The following MATR3 variants were observed in gnomAD, a reference collection of about 807,000 sequenced individuals.
MATR3 encodes the protein matrin 3.
MATR3 carries 4 observed loss-of-function variants against 85.5 expected under a neutral mutation model. That is an observed-to-expected ratio of 0.05 (90% CI 0.02 to 0.11). MATR3 has a LOEUF of 0.11. MATR3 is among the 10% of genes least tolerant of loss of function. The probability of loss-of-function intolerance (pLI) is 1.00; values close to 1 mark genes in which losing one functional copy is unlikely to be tolerated. For missense variants in MATR3, 685 were observed against 1,016.1 expected (o/e 0.67, Z 4.43); for synonymous variants, 336 against 343.1 (o/e 0.98, Z 0.23).
chr5:139,293,172 A>G (rs2151912735), upstream of MATR3: 1 of 152,288 alleles, frequency 6.6e-6, no homozygotes, highest in Admixed American at 6.5e-5. Flanking sequence ...AGGTGGGAGG[A>G]TCCCTTGAGG....
chr5:139,314,955 G>T, intron 3 of MATR3: 1 of 487,916 alleles, frequency 2.0e-6, no homozygotes, highest in Non-Finnish European at 3.7e-6. Context: ...ACATTTCTAG[G>T]ATACATATAT....
chr5:139,279,185 G>T, intron 3 of MATR3: 1 of 453,102 alleles, frequency 2.2e-6, no homozygotes, highest in East Asian at 7.0e-5. Context: ...CTCAGATGGG[G>T]GTAGGGGACT....
At position 139,322,577 on chromosome 5, in the gene MATR3, G is replaced by A. The variant is rs752968467; in HGVS notation, c.1779-21G>A. The A allele has an allele frequency of 1.2e-5, 18 of 1,555,612 alleles. No individual in the cohort carries two copies. The Admixed American group carries it at 2.9e-4, about 25-fold the overall frequency. On this transcript the variant is annotated intron_variant, in intron 11 of 14. Coordinates refer to ENST00000394805, the MANE Select transcript of MATR3 (RefSeq NM_018834.6). ...CTTTTTCAGACAACAAATTAATTGT[G>A]GTGTGTCCTTTTGATTTCAGAAAAA...
intron 12 of MATR3, 24 bp downstream of exon 12, chr5:139,322,991 T>C (rs753396254): frequency 1.9e-6 from 3 of 1,612,360 alleles, no homozygotes; most frequent in East Asian, 2.2e-5. Flanking sequence ...CATTGATTTG[T>C]TTTAATAGAA....
In MATR3 at chr5:139,325,579, A is replaced by G; in HGVS notation, c.2288A>G (p.Asp763Gly). The stretch of plus-strand genomic sequence containing the variant: ...AACAAAGATACAAGTGAAAACGCAG[A>G]TGGTCAAAGTGATGAGAACAAGGAC... ...DPNKDTSENA[D>G]GQSDENKDDY... The change falls in exon 13 of 15, where the codon GAT (aspartate) becomes GGT (glycine). Residue 763 changes from aspartate (D) to glycine (G), a missense_variant. By Grantham distance (94) the Asp-to-Gly change is moderately conservative. Transcript: ENST00000394805. 3 of 1,614,224 alleles carry G rather than the reference A, an allele frequency of 1.9e-6. No homozygotes were observed. Among genetic ancestry groups the G allele is most frequent in the East Asian group, 2.2e-5 (1 of 44,892 alleles).
chr5:139,288,808 T>A (rs1753787053), upstream of MATR3, among the ~76,000 whole-genome samples: 1 of 151,748 alleles, frequency 6.6e-6, no homozygotes, highest in African/African-American at 2.4e-5. Context: ...GCCCAGCTAA[T>A]TTTTTTTGTA....
At chr5:139,317,829 G>GT in intron 7 of MATR3, 108 bp downstream of exon 7, 1 of 1,131,318 alleles carries the variant, frequency 8.8e-7, no homozygotes, top group Non-Finnish European at 1.3e-6. Context: ...GTAATCTTAA[G>GT]TTTATCAAAT....
At chr5:139,276,291 T>A in intron 2 of MATR3, 1 of 448,556 alleles carries the variant, frequency 2.2e-6, no homozygotes, top group Non-Finnish European at 4.5e-6. Flanking sequence ...ATGCCAACTC[T>A]TGTGTTGACT....
chr5:139,317,840 G>A, intron 7 of MATR3, 119 bp downstream of exon 7: 1 of 989,246 alleles, frequency 1.0e-6, no homozygotes. Context: ...TTTATCAAAT[G>A]CAGAATGTAG....
intron 14 of MATR3, among the ~76,000 whole-genome samples, chr5:139,327,648 C>A (rs1003658456): frequency 1.3e-5 from 2 of 151,900 alleles, no homozygotes; most frequent in Admixed American, 6.6e-5. Context: ...CTTGAACTCC[C>A]AGCTTCAGAT....
chr5:139,315,886 T>G, intron 4 of MATR3, 148 bp downstream of exon 4: 1 of 784,606 alleles, frequency 1.3e-6, no homozygotes, highest in Non-Finnish European at 2.1e-6. Context: ...TTAACAATTT[T>G]TAGAATATAT....
intron 1 of MATR3, chr5:139,294,106 C>G: frequency 3.3e-6 from 4 of 1,223,450 alleles, no homozygotes; most frequent in Admixed American, 4.1e-5. Context: ...AAGAGGTGCG[C>G]TGACCGGCCG....
At chr5:139,315,455 C>G in intron 3 of MATR3, 1 of 444,436 alleles carries the variant, frequency 2.3e-6, no homozygotes, top group South Asian at 2.9e-5. Flanking sequence ...AGAGGAAAAA[C>G]TTAATTTCAA....
intron 13 of MATR3, 143 bp from the exon 14 acceptor site, chr5:139,326,020 G>T (rs1581262627): frequency 1.4e-6 from 1 of 738,250 alleles, no homozygotes; most frequent in East Asian, 2.7e-5. Context: ...GCAAAATATG[G>T]TTCGGTTTTT....
At chr5:139,301,995 C>CAGA (rs1449043240) in intron 1 of MATR3, among the ~76,000 whole-genome samples, 5 of 152,204 alleles carry the variant, frequency 3.3e-5, no homozygotes, top group African/African-American at 1.2e-4. Flanking sequence ...GACTTCACGT[C>CAGA]TGTTAGATGG....
intron 1 of MATR3, among the ~76,000 whole-genome samples, chr5:139,302,243 T>A (rs1754484827): frequency 6.6e-6 from 1 of 152,090 alleles, no homozygotes. Flanking sequence ...ATTACAGGTG[T>A]GAGCCACTGC....
At chr5:139,312,482 A>G (rs1200616029) in intron 2 of MATR3, 2 of 152,174 alleles carry the variant, frequency 1.3e-5, no homozygotes, top group African/African-American at 4.8e-5. Context: ...CAAATAGCTG[A>G]TGATTAGAGA....
Position 139,325,490 on chromosome 5 carries a change from T to C in MATR3, c.2199T>C (p.Asn733=). The C allele has an allele frequency of 2.5e-6, 4 of 1,614,032 alleles. No homozygotes were observed. Among genetic ancestry groups the C allele is most frequent in the Non-Finnish European group, 3.4e-6 (4 of 1,180,024 alleles). ...AAGAAAACGAAGCAGCGTTGGAAAA[T>C]GGAATTAAAAATGAGGAAAACACAG... ...LDQENEAALE[N]GIKNEENTEP... The change falls in exon 13 of 15, where the codon AAT becomes AAC. Residue 733 remains asparagine, a synonymous_variant. Transcript: ENST00000394805.
At chr5:139,292,641 C>T (rs1284602800), upstream of MATR3, among the ~76,000 whole-genome samples, 1 of 152,176 alleles carries the variant, frequency 6.6e-6, no homozygotes, top group Non-Finnish European at 1.5e-5. Context: ...CGCGGTCCTC[C>T]GCCTCAACGA....
Sources: gnomAD v4.1 joint callset for allele counts (sites outside exome capture counted in the v4.1 genomes callset) on GRCh38, gnomAD v4.1.1 for gene constraint, MANE v1.5 for transcripts, NCBI Gene and HGNC (gene_info 2026-07-23, HGNC 2026-07-21) for gene names.